DOCK9: variants seen among roughly 807,000 people sequenced by gnomAD.
DOCK9 encodes the protein dedicator of cytokinesis 9, also known as dedicator of cytokinesis protein 9.
In DOCK9, 89 loss-of-function variants were observed where a neutral mutation model predicts 263.3. The observed-to-expected ratio is 0.34, with a 90% CI of 0.28 to 0.40. The LOEUF (loss-of-function observed/expected upper bound fraction) is 0.40, where lower values mean the gene tolerates loss of function less well. Among genes scored for constraint, DOCK9 ranks in the 10% least tolerant of loss-of-function variants. The pLI is 1.00. For synonymous variants in DOCK9, 976 were observed against 973.1 expected (o/e 1.00, Z -0.06); for missense variants, 2,140 against 2,603.4 (o/e 0.82, Z 3.87).
intron 39 of DOCK9, among the ~76,000 whole-genome samples, chr13:98,835,759 T>C (rs1427061552): frequency 1.1e-4 from 10 of 94,914 alleles, no homozygotes; most frequent in Admixed American, 1.1e-4. Flanking sequence ...TTTTTTTTTT[T>C]AGACGAAGTC....
At chr13:99,032,112 T>A (rs1273858981) in intron 1 of DOCK9, among the ~76,000 whole-genome samples, 2 of 152,106 alleles carry the variant, frequency 1.3e-5, no homozygotes. Flanking sequence ...CACCAGGAGA[T>A]CAAGGTACAT....
At chr13:98,830,569 T>C (rs181396716) in intron 41 of DOCK9, among the ~76,000 whole-genome samples, 5 of 152,332 alleles carry the variant, frequency 3.3e-5, no homozygotes, top group African/African-American at 1.2e-4. Flanking sequence ...GTTCCCCAGA[T>C]GGGTGCTTCC....
intron 32 of DOCK9, among the ~76,000 whole-genome samples, chr13:98,862,417 G>A (rs1296426455): frequency 6.6e-6 from 1 of 152,122 alleles, no homozygotes; most frequent in Non-Finnish European, 1.5e-5. Context: ...GACTGGGCAC[G>A]GTGGCTCACG....
intron 47 of DOCK9, chr13:98,808,672 AT>A: frequency 6.3e-7 from 1 of 1,587,696 alleles, no homozygotes; most frequent in Non-Finnish European, 8.6e-7. Flanking sequence ...GTAAACTGGT[AT>A]TGCTATAAAG....
chr13:98,994,489 G>C (rs1880546175), intron 1 of DOCK9, among the ~76,000 whole-genome samples: 1 of 152,168 alleles, frequency 6.6e-6, no homozygotes, highest in Non-Finnish European at 1.5e-5. Flanking sequence ...ACAGTGCTAA[G>C]GCTGAGAAAT....
chr13:99,087,125 A>C (rs571200368), upstream of DOCK9, among the ~76,000 whole-genome samples: 2 of 151,962 alleles, frequency 1.3e-5, no homozygotes, highest in African/African-American at 4.8e-5. Context: ...ACCGATCGGA[A>C]CCCGCGGCCG....
intron 1 of DOCK9, among the ~76,000 whole-genome samples, chr13:98,957,172 T>C (rs2058152477): frequency 6.6e-6 from 1 of 152,166 alleles, no homozygotes; most frequent in Non-Finnish European, 1.5e-5. Context: ...GAGGAAAGGA[T>C]GGAGCCTAAG....
intron 2 of DOCK9, among the ~76,000 whole-genome samples, chr13:98,940,726 C>A (rs4772162): frequency 1.3e-5 from 2 of 151,950 alleles, no homozygotes; most frequent in African/African-American, 2.4e-5. Flanking sequence ...CCTGCATGGT[C>A]CCCCATTTCT....
chr13:99,084,586 G>A (rs914118716), intron 1 of DOCK9, among the ~76,000 whole-genome samples: 1 of 152,198 alleles, frequency 6.6e-6, no homozygotes, highest in African/African-American at 2.4e-5. Context: ...GCCATCCTCC[G>A]ATGGGAAGGG....
chr13:99,003,428 C>T (rs1037217577), intron 1 of DOCK9, among the ~76,000 whole-genome samples: 1 of 152,204 alleles, frequency 6.6e-6, no homozygotes, highest in Non-Finnish European at 1.5e-5. Flanking sequence ...TCATCCCCTT[C>T]CATCCTTCAT....
At chr13:99,056,282 A>G (rs1366550838) in intron 1 of DOCK9, among the ~76,000 whole-genome samples, 2 of 150,732 alleles carry the variant, frequency 1.3e-5, no homozygotes, top group African/African-American at 4.9e-5. Context: ...TGGCTATCCA[A>G]TCATTGCTTG....
At chr13:98,914,156 C>T (rs1281192265) in intron 9 of DOCK9, among the ~76,000 whole-genome samples, 172 bp downstream of exon 9, 2 of 152,130 alleles carry the variant, frequency 1.3e-5, no homozygotes, top group African/African-American at 2.4e-5. Context: ...GAAGACAGAC[C>T]TGAAATCATA....
chr13:98,944,860 AAT>A (rs1307050620), intron 2 of DOCK9, among the ~76,000 whole-genome samples: 2 of 152,218 alleles, frequency 1.3e-5, no homozygotes, highest in African/African-American at 4.8e-5. Context: ...ATGCTTCCCC[AAT>A]ATGTTTCTGT....
chr13:98,860,109 C>A, intron 33 of DOCK9: 4 of 1,100,312 alleles, frequency 3.6e-6, no homozygotes, highest in Non-Finnish European at 4.7e-6. Context: ...TAACAGTATA[C>A]ACAATCCAAT....
Position 98,912,080 on chromosome 13 carries a change from A to G in DOCK9, c.960+2248T>C, listed in dbSNP as rs113440950. 4.4e-3 allele frequency among the ~76,000 whole-genome samples: 667 copies of G among 151,566 alleles called. 2 individuals are homozygous for G. The highest frequency in any genetic ancestry group is 0.015 in the African/African-American group (617 of 41,372). ...AGACAGGGTTTTATACCATGTTGGC[A>G]AGGCTGGTCTTGAACTCCTAACCTC... is the stretch of plus-strand genomic sequence containing the variant. On this transcript the variant is annotated intron_variant, in intron 9 of 52. Transcript: ENST00000682017.
At chr13:98,990,550 A>C (rs1475611062) in intron 1 of DOCK9, among the ~76,000 whole-genome samples, 1 of 152,236 alleles carries the variant, frequency 6.6e-6, no homozygotes, top group East Asian at 1.9e-4. Flanking sequence ...AATTTGGGGA[A>C]AAACATGAGA....
intron 7 of DOCK9, among the ~76,000 whole-genome samples, chr13:98,920,585 G>A (rs906155198): frequency 6.6e-6 from 1 of 152,174 alleles, no homozygotes; most frequent in South Asian, 2.1e-4. Flanking sequence ...CAATGCTAGC[G>A]ATAAAAATCA....
rs143154151 is a variant in DOCK9, at chr13:98,824,129, C to T, written c.5130+269G>A. Among the ~76,000 whole-genome samples, 652 of 152,336 alleles carry T rather than the reference C, an allele frequency of 4.3e-3. 9 individuals are homozygous for T. The highest frequency in any genetic ancestry group is 0.015 in the African/African-American group (609 of 41,566). ...TATGACCAATATATTGGAACTTTTA[C>T]CGGATGTGCTCAAGCACTGAGCCTC... On this transcript the variant is annotated intron_variant, in intron 45 of 52. Transcript: ENST00000682017.
intron 36 of DOCK9, 65 bp downstream of exon 36, chr13:98,849,982 T>A: frequency 1.7e-6 from 2 of 1,172,682 alleles, no homozygotes; most frequent in Non-Finnish European, 2.5e-6. Context: ...TACATAGTAT[T>A]CTTCAAGCCT....
Sources: gnomAD v4.1 joint callset for allele counts (sites outside exome capture counted in the v4.1 genomes callset) on GRCh38, gnomAD v4.1.1 for gene constraint, MANE v1.5 for transcripts, NCBI Gene and HGNC (gene_info 2026-07-23, HGNC 2026-07-21) for gene names.